The following HEXB variants were observed in gnomAD, a reference collection of about 807,000 sequenced individuals.
HEXB encodes the protein beta-hexosaminidase subunit beta.
HEXB carries 51 observed loss-of-function variants against 71.2 expected under a neutral mutation model. That is an observed-to-expected ratio of 0.72 (90% CI 0.57 to 0.90). HEXB has a LOEUF of 0.90. Ranked by LOEUF, HEXB falls within the 40% of genes least tolerant of loss-of-function variation. HEXB has a pLI of 0.00. For missense variants in HEXB, 617 were observed against 677.0 expected (o/e 0.91, Z 0.98); for synonymous variants, 266 against 249.3 (o/e 1.07, Z -0.63).
chr5:74,678,298 CATAAATAAATAAATAAATAA>C (rs78230461), intron 1 of HEXB, among the ~76,000 whole-genome samples: 3 of 145,100 alleles, frequency 2.1e-5, no homozygotes, highest in Admixed American at 1.4e-4. Flanking sequence ...AACTCCATCT[CATAAATAAATAAATAAATAA>C]ATAAATAAAT....
intron 1 of HEXB, among the ~76,000 whole-genome samples, chr5:74,650,941 A>G (rs1023647023): frequency 1.3e-5 from 2 of 151,654 alleles, no homozygotes; most frequent in African/African-American, 4.8e-5. Context: ...AAAAAAAAAA[A>G]AAAAAGGCAA....
chr5:74,664,965 G>A (rs1748407224), intron 1 of HEXB, among the ~76,000 whole-genome samples: 1 of 152,158 alleles, frequency 6.6e-6, no homozygotes, highest in South Asian at 2.1e-4. Context: ...ATTTGGGACA[G>A]TGCATACTAA....
chr5:74,668,507 G>T (rs1265897889), intron 1 of HEXB, among the ~76,000 whole-genome samples: 2 of 152,146 alleles, frequency 1.3e-5, no homozygotes, highest in Non-Finnish European at 2.9e-5. Context: ...CTGACTCTCA[G>T]ACTTCCTAGT....
At chr5:74,705,189 T>C (rs1749356629) in intron 5 of HEXB, 30 bp from the exon 6 acceptor site, 1 of 1,254,346 alleles carries the variant, frequency 8.0e-7, no homozygotes. Flanking sequence ...ATATCTGCAG[T>C]AAATAATTTT....
At chr5:74,703,805 A>G (rs1319058686) in intron 5 of HEXB, among the ~76,000 whole-genome samples, 1 of 152,078 alleles carries the variant, frequency 6.6e-6, no homozygotes, top group Non-Finnish European at 1.5e-5. Flanking sequence ...GGATGGGACT[A>G]CCGGCACTAC....
chr5:74,699,463 TG>T (rs1749208832), intron 5 of HEXB, among the ~76,000 whole-genome samples: 1 of 151,726 alleles, frequency 6.6e-6, no homozygotes, highest in Admixed American at 6.6e-5. Flanking sequence ...TTAGTAGAGA[TG>T]GGGTTTCACC....
intron 1 of HEXB, among the ~76,000 whole-genome samples, chr5:74,665,547 A>G (rs2112095061): frequency 6.6e-6 from 1 of 151,812 alleles, no homozygotes; most frequent in East Asian, 1.9e-4. Context: ...GGAAACCTAC[A>G]AAGGACTATA....
At chr5:74,717,495 T>TATATAC (rs1491136831) in intron 9 of HEXB, among the ~76,000 whole-genome samples, 1 of 150,894 alleles carries the variant, frequency 6.6e-6, no homozygotes, top group African/African-American at 2.5e-5. Context: ...TATATATATA[T>TATATAC]ACACATTTCC....
chr5:74,679,344 T>C (rs908386604), intron 1 of HEXB, among the ~76,000 whole-genome samples: 3 of 152,078 alleles, frequency 2.0e-5, no homozygotes, highest in Non-Finnish European at 4.4e-5. Flanking sequence ...ACTGGAGAAA[T>C]AGATCCTTCT....
chr5:74,653,618 G>C (rs1456941322), intron 1 of HEXB, among the ~76,000 whole-genome samples: 1 of 152,076 alleles, frequency 6.6e-6, no homozygotes, highest in Non-Finnish European at 1.5e-5. Context: ...TTGCTAAGGG[G>C]TGCTTTCATA....
intron 10 of HEXB, 72 bp downstream of exon 10, chr5:74,718,435 T>G (rs1749729459): frequency 3.5e-6 from 4 of 1,146,956 alleles, no homozygotes; most frequent in Admixed American, 1.7e-5. Flanking sequence ...ACTGGGAATT[T>G]GCAAGTCTAA....
rs1206283629 is a variant in HEXB at position 74,718,842 on chromosome 5, C to T, written c.1288C>T (p.Pro430Ser). The change falls in exon 11 of 14, where the codon CCT becomes TCT. Residue 430 changes from proline to serine, a missense_variant. Pro to Ser is a moderately conservative substitution (Grantham distance 74). Coordinates refer to ENST00000261416, the MANE Select transcript of HEXB (RefSeq NM_000521.4). ...TGAAGTATGGAAAGACAGCGCATAT[C>T]CTGAGGAACTCAGTAGAGTCACAGC... The part of the protein sequence containing the change: ...IVEVWKDSAY[P>S]EELSRVTASG... 1.9e-6 allele frequency: 3 copies of T among 1,614,078 alleles called. No homozygotes were observed. Among genetic ancestry groups the T allele is most frequent in the Non-Finnish European group, 1.7e-6 (2 of 1,179,986 alleles).
chr5:74,647,261 G>A (rs925493528), intron 1 of HEXB, among the ~76,000 whole-genome samples: 1 of 152,238 alleles, frequency 6.6e-6, no homozygotes. Flanking sequence ...TGCAGGTTTT[G>A]TTTGGCCTCT....
At chr5:74,673,931 G>T in intron 1 of HEXB, among the ~76,000 whole-genome samples, 1 of 152,154 alleles carries the variant, frequency 6.6e-6, no homozygotes, top group East Asian at 1.9e-4. Context: ...AGCTGGAGTG[G>T]ATTCTGTTCT....
At chr5:74,688,942 G>C (rs1282113463) in intron 1 of HEXB, among the ~76,000 whole-genome samples, 1 of 152,150 alleles carries the variant, frequency 6.6e-6, no homozygotes, top group Non-Finnish European at 1.5e-5. Flanking sequence ...AAGTTTTCTT[G>C]TGATTTGCTC....
intron 1 of HEXB, among the ~76,000 whole-genome samples, chr5:74,671,185 C>G (rs777921431): frequency 6.6e-6 from 1 of 152,110 alleles, no homozygotes; most frequent in Non-Finnish European, 1.5e-5. Context: ...ACAAAGTGTT[C>G]CAAGACCCAT....
chr5:74,699,106 C>A (rs1030731387), intron 5 of HEXB, among the ~76,000 whole-genome samples: 1 of 152,062 alleles, frequency 6.6e-6, no homozygotes, highest in African/African-American at 2.4e-5. Flanking sequence ...ATCGCTTGAA[C>A]CTGGGAGAGG....
chr5:74,711,867 G>C (rs935536943), intron 6 of HEXB, among the ~76,000 whole-genome samples: 1 of 151,592 alleles, frequency 6.6e-6, no homozygotes, highest in African/African-American at 2.4e-5. Context: ...GTGGAAGTCA[G>C]TGTGGCGATT....
chr5:74,663,165 C>T (rs1226923244), intron 1 of HEXB, among the ~76,000 whole-genome samples: 1 of 147,836 alleles, frequency 6.8e-6, no homozygotes, highest in Non-Finnish European at 1.5e-5. Context: ...ACAAAGATGA[C>T]CTCTTTCTTT....
Sources: gnomAD v4.1 joint callset for allele counts (sites outside exome capture counted in the v4.1 genomes callset) on GRCh38, gnomAD v4.1.1 for gene constraint, MANE v1.5 for transcripts, NCBI Gene and HGNC (gene_info 2026-07-23, HGNC 2026-07-21) for gene names.